RICTOR: variants seen among roughly 807,000 people sequenced by gnomAD.
The protein encoded by RICTOR is rapamycin-insensitive companion of mTOR.
A neutral mutation model predicts 214.9 loss-of-function variants in RICTOR; 49 were observed. The observed-to-expected ratio is 0.23, with a 90% CI of 0.18 to 0.29. The LOEUF (loss-of-function observed/expected upper bound fraction) is 0.29. RICTOR is among the 10% of genes least tolerant of loss of function. RICTOR has a pLI of 1.00. For synonymous variants in RICTOR, 717 were observed against 711.3 expected, an observed-to-expected ratio of 1.01 and a Z score of -0.13; for missense variants, 1,625 against 2,047.0, an observed-to-expected ratio of 0.79 and a Z score of 3.98.
intron 2 of RICTOR, among the ~76,000 whole-genome samples, chr5:39,049,932 G>A (rs927755197): frequency 6.6e-6 from 1 of 152,036 alleles, no homozygotes; most frequent in Non-Finnish European, 1.5e-5. Flanking sequence ...GTTCATAAAG[G>A]AGGTAACAAG....
chr5:38,984,215 C>T (rs907966688), intron 7 of RICTOR, among the ~76,000 whole-genome samples: 6 of 5,228 alleles, frequency 1.1e-3, no homozygotes, highest in East Asian at 0.029. Flanking sequence ...ATTAAGTTTC[C>T]GAATAACATA....
intron 2 of RICTOR, among the ~76,000 whole-genome samples, chr5:39,048,223 C>A (rs1414629362): frequency 6.6e-6 from 1 of 152,114 alleles, no homozygotes; most frequent in East Asian, 1.9e-4. Flanking sequence ...ATGACAAAAT[C>A]CCCAGGTGGT....
chr5:39,052,568 T>A (rs531231436), intron 2 of RICTOR, among the ~76,000 whole-genome samples: 1 of 152,296 alleles, frequency 6.6e-6, no homozygotes, highest in East Asian at 1.9e-4. Context: ...GATCCAGACC[T>A]GTACAAATTA....
rs745506586 is a variant in RICTOR at position 38,960,527 on chromosome 5, T to A, written c.1722A>T (p.Val574=). The part of the protein sequence containing the change: ...NYKDEQLHRF[V]RRLLYFYKPS... Reference sequence around the variant, plus strand: ...GCTTGTAAAAATAAAGTAGTCTTCGTACAAACCTAAAATCAAAACACAAGT... The same window carrying A: ...GCTTGTAAAAATAAAGTAGTCTTCGAACAAACCTAAAATCAAAACACAAGT... The change falls in exon 20 of 38, where the codon GTA becomes GTT. Residue 574 remains valine (V), a synonymous_variant. Transcript: ENST00000357387. The A allele has an allele frequency of 2.5e-6, 4 of 1,612,754 alleles. No individual in the cohort carries two copies. The African/African-American group carries it at 5.3e-5, about 22-fold the overall frequency.
chr5:39,023,356 CA>C (rs903421793), intron 2 of RICTOR, among the ~76,000 whole-genome samples: 25 of 141,752 alleles, frequency 1.8e-4, no homozygotes, highest in Non-Finnish European at 1.7e-4. Flanking sequence ...TAGAGCAAAG[CA>C]AAAAAAAAAG....
chr5:39,052,430 T>A (rs1314934168), intron 2 of RICTOR, among the ~76,000 whole-genome samples: 2 of 152,170 alleles, frequency 1.3e-5, no homozygotes, highest in South Asian at 2.1e-4. Flanking sequence ...ACCTATCGTG[T>A]CTACAAATAC....
At chr5:38,944,655 C>G (rs778744588) in intron 35 of RICTOR, 86 bp from the exon 36 acceptor site, 50 of 1,198,598 alleles carry the variant, frequency 4.2e-5, no homozygotes, top group Non-Finnish European at 5.7e-5. Flanking sequence ...TAAACTTCAC[C>G]TAAAGACCTA....
chr5:39,027,170 T>G (rs1241911951), intron 2 of RICTOR, among the ~76,000 whole-genome samples: 1 of 152,170 alleles, frequency 6.6e-6, no homozygotes, highest in African/African-American at 2.4e-5. Flanking sequence ...TATAAAACTT[T>G]AAGTATAGCT....
chr5:39,045,134 T>C (rs1478572314), intron 2 of RICTOR, among the ~76,000 whole-genome samples: 1 of 152,218 alleles, frequency 6.6e-6, no homozygotes, highest in Non-Finnish European at 1.5e-5. Flanking sequence ...TGTTAAAAGA[T>C]AATTTGTGGT....
At position 39,051,040 on chromosome 5, in the gene RICTOR, T is replaced by TACACAC. The variant is rs202033185; in HGVS notation, c.97+23070_97+23071insGTGTGT. Among the ~76,000 whole-genome samples the TACACAC allele has an allele frequency of 1.2e-3, 121 of 100,964 alleles. 1 individual carries two copies. Among genetic ancestry groups the TACACAC allele is most frequent in the South Asian group, 8.3e-3 (26 of 3,120 alleles). 66.2% of individuals were successfully genotyped at this position (100,964 alleles called of 152,430 possible). On this transcript the variant is annotated intron_variant, in intron 2 of 37. Transcript: ENST00000357387. Reference sequence around the variant, plus strand: ...ATCTTTCTCTCTCCCCATACATATATATACACACACACACACACACACACG... The same window carrying TACACAC: ...ATCTTTCTCTCTCCCCATACATATATACACACATACACACACACACACACACACACG...
intron 2 of RICTOR, among the ~76,000 whole-genome samples, chr5:39,031,026 T>A (rs905989076): frequency 6.6e-6 from 1 of 152,172 alleles, no homozygotes; most frequent in Non-Finnish European, 1.5e-5. Context: ...AAAGCTTTAG[T>A]TCCTGTCATT....
Position 38,939,068 on chromosome 5 carries a change from G to A in RICTOR, c.*3236C>T, listed in dbSNP as rs916702252. 4 of 232,808 alleles carry A rather than the reference G, an allele frequency of 1.7e-5. No homozygotes were observed. Among genetic ancestry groups the A allele is most frequent in the African/African-American group, 8.8e-5 (4 of 45,274 alleles). 14.4% of individuals were successfully genotyped at this position (232,808 alleles called of 1,614,324 possible). A position where few individuals can be genotyped will look rare whatever the true frequency, so the allele number is the denominator to read the frequency against. On this transcript the variant is annotated 3_prime_UTR_variant, in exon 38 of 38. Coordinates refer to ENST00000357387, the MANE Select transcript of RICTOR (RefSeq NM_152756.5). ...AAAATTAGCACCTCACTCTTACCAT[G>A]CAAAAATAACTGCAGTTATAATTTG...
chr5:39,055,031 C>T (rs1758106267), intron 2 of RICTOR, among the ~76,000 whole-genome samples: 2 of 152,166 alleles, frequency 1.3e-5, no homozygotes, highest in South Asian at 4.1e-4. Context: ...CATTCATTCA[C>T]TTATTAATTC....
chr5:38,982,791 TATATATACACATAC>T (rs965687781), intron 7 of RICTOR, among the ~76,000 whole-genome samples: 9 of 45,824 alleles, frequency 2.0e-4, no homozygotes, highest in African/African-American at 6.4e-4. Flanking sequence ...TATATATACA[TATATATACACATAC>T]ATATATATAT....
chr5:38,983,578 A>G (rs1222976297), intron 7 of RICTOR, among the ~76,000 whole-genome samples: 1 of 152,190 alleles, frequency 6.6e-6, no homozygotes, highest in African/African-American at 2.4e-5. Context: ...AATATTCTTG[A>G]ATGTTAACAA....
intron 6 of RICTOR, among the ~76,000 whole-genome samples, chr5:38,992,530 C>T (rs898133033): frequency 3.3e-5 from 5 of 152,060 alleles, no homozygotes; most frequent in Non-Finnish European, 7.4e-5. Context: ...CTCTCTTGTG[C>T]CTCAGTTTCC....
In RICTOR at chr5:39,070,198, G is replaced by A. The variant is rs573000042; in HGVS notation, c.97+3913C>T. ...TTAGAGTTCAGGGCCGGGTGCGGTGGCTCACGCCTGTAATCCCAGCACTTT... is the reference window on the plus strand; with the variant it reads ...TTAGAGTTCAGGGCCGGGTGCGGTGACTCACGCCTGTAATCCCAGCACTTT... On this transcript the variant is annotated intron_variant, in intron 2 of 37. Transcript: ENST00000357387. 1.1e-4 allele frequency among the ~76,000 whole-genome samples: 17 copies of A among 152,332 alleles called. No homozygotes were observed. In the South Asian group the frequency reaches 3.3e-3, roughly 30 times the overall value.
chr5:38,943,571 T>C (rs1471590456), intron 36 of RICTOR, among the ~76,000 whole-genome samples: 1 of 152,086 alleles, frequency 6.6e-6, no homozygotes, highest in Admixed American at 6.6e-5. Context: ...CCCAGCACTT[T>C]GGGAGGCTGA....
At chr5:38,970,140 G>C (rs1206898845) in intron 11 of RICTOR, 1 of 152,126 alleles carries the variant, frequency 6.6e-6, no homozygotes, top group African/African-American at 2.4e-5. Context: ...TGTGTAGTAG[G>C]CTGTACCATC....
Sources: allele counts gnomAD v4.1 joint callset (sites outside exome capture counted in the v4.1 genomes callset), GRCh38; gene constraint gnomAD v4.1.1; transcripts MANE v1.5; gene names NCBI Gene and HGNC (gene_info 2026-07-23, HGNC 2026-07-21).